Variants in ZBTB46 observed in about 807,000 individuals in gnomAD.
ZBTB46 encodes the protein zinc finger and BTB domain containing 46.
A neutral mutation model predicts 44.1 loss-of-function variants in ZBTB46; 8 were observed. The ratio of observed to expected loss-of-function variants is 0.18; its 90% CI spans 0.11 to 0.33. ZBTB46 has a LOEUF of 0.33. Ranked by LOEUF, ZBTB46 falls within the 10% of genes least tolerant of loss-of-function variation. The pLI, the probability that ZBTB46 is intolerant of heterozygous loss-of-function variation, is 1.00. For synonymous variants in ZBTB46, 409 were observed against 382.3 expected (o/e 1.07, Z -0.81); for missense variants, 651 against 847.7 (o/e 0.77, Z 2.88).
At position 63,790,078 on chromosome 20, in the gene ZBTB46, C is replaced by A; in HGVS notation, c.680G>T (p.Arg227Leu). The A allele has an allele frequency of 6.2e-7, 1 of 1,614,038 alleles. No individual in the cohort carries two copies. The highest frequency in any genetic ancestry group is 8.5e-7 in the Non-Finnish European group (1 of 1,180,018). ...WPGDVGYGPL[R>L]IKEEQVSPSQ... ...CGGTGAAACCTGCTCTTCCTTGATG[C>A]GCAGAGGCCCGTAGCCCACGTCTCC... Residue 227 changes from arginine to leucine, a missense_variant, in exon 2 of 5, where the codon CGC becomes CTC. Transcript: ENST00000245663.
Sources: gnomAD v4.1 joint callset for allele counts on GRCh38, gnomAD v4.1.1 for gene constraint, MANE v1.5 for transcripts, NCBI Gene and HGNC (gene_info 2026-07-23, HGNC 2026-07-21) for gene names.